Variants in SMC6 observed in about 807,000 individuals in gnomAD.
SMC6 encodes the protein structural maintenance of chromosomes 6, also known as structural maintenance of chromosomes protein 6.
A neutral mutation model predicts 142.2 loss-of-function variants in SMC6; 79 were observed. The ratio of observed to expected loss-of-function variants is 0.56; its 90% confidence interval spans 0.46 to 0.67. The LOEUF is 0.67. SMC6 is among the 30% of genes least tolerant of loss of function. The pLI is 0.00. For synonymous variants in SMC6, 411 were observed against 412.4 expected (o/e 1.00, Z 0.04); for missense variants, 1,072 against 1,284.0 (o/e 0.83, Z 2.52).
At chr2:17,703,392 A>T in intron 18 of SMC6, 100 bp from the exon 19 acceptor site, 1 of 1,077,790 alleles carries the variant, frequency 9.3e-7, no homozygotes, top group South Asian at 1.7e-5. Context: ...ATAGTAAGTT[A>T]TGTGCAAAAT....
In SMC6 at chr2:17,733,273, T is replaced by A. The variant is rs539504236; in HGVS notation, c.345-1396A>T. On this transcript the variant is annotated intron_variant, in intron 5 of 27. Coordinates refer to ENST00000448223, the MANE Select transcript of SMC6 (RefSeq NM_001142286.2). Reference sequence around the variant, plus strand: ...AAGTGTTTGCTCTGTTGCTCCACCATCCTTTTCTGTACAAGTGCCCTAGCA... The same window carrying A: ...AAGTGTTTGCTCTGTTGCTCCACCAACCTTTTCTGTACAAGTGCCCTAGCA... 5.3e-5 allele frequency among the ~76,000 whole-genome samples: 8 copies of A among 152,350 alleles called. No homozygotes were observed. The South Asian group carries it at 1.7e-3, about 32-fold the overall frequency.
intron 15 of SMC6, 84 bp downstream of exon 15, chr2:17,716,002 A>G (rs1427263563): frequency 1.7e-5 from 19 of 1,140,682 alleles, no homozygotes; most frequent in Non-Finnish European, 2.1e-5. Flanking sequence ...AAATCATTTT[A>G]TTTCGAAAAC....
At chr2:17,718,009 G>C (rs1669183686) in intron 12 of SMC6, 68 bp downstream of exon 12, 1 of 1,440,760 alleles carries the variant, frequency 6.9e-7, no homozygotes. Flanking sequence ...TAATAAAAAA[G>C]GATAGAAGAA....
In SMC6 at chr2:17,692,891, C is replaced by T. The variant is rs560966542; in HGVS notation, c.2678+2261G>A. On this transcript the variant is annotated intron_variant, in intron 23 of 27. Coordinates refer to ENST00000448223, the MANE Select transcript of SMC6 (RefSeq NM_001142286.2). ...ACAAACAACCCCATCAACAAGTGGG[C>T]GAAGGATATGAACAGACACTTCTCA... Among the ~76,000 whole-genome samples the T allele has an allele frequency of 3.4e-3, 524 of 152,198 alleles. 3 individuals are homozygous for T. The highest frequency in any genetic ancestry group is 0.012 in the African/African-American group (490 of 41,516).
intron 27 of SMC6, 96 bp downstream of exon 27, chr2:17,666,324 C>A: frequency 1.2e-6 from 1 of 853,388 alleles, no homozygotes; most frequent in Non-Finnish European, 1.8e-6. Flanking sequence ...TTTCATTGGT[C>A]TTGTATGTAT....
At chr2:17,737,871 C>A (rs1670231877) in intron 5 of SMC6, among the ~76,000 whole-genome samples, 1 of 152,178 alleles carries the variant, frequency 6.6e-6, no homozygotes, top group South Asian at 2.1e-4. Flanking sequence ...TCAATGTGGA[C>A]TCACTGATGC....
intron 24 of SMC6, chr2:17,680,808 G>T (rs1432868139): frequency 2.6e-5 from 4 of 152,166 alleles, no homozygotes; most frequent in Non-Finnish European, 2.9e-5. Flanking sequence ...ATACAAAGTA[G>T]ATTTAGCACA....
At chr2:17,686,721 G>A (rs765315237) in intron 23 of SMC6, among the ~76,000 whole-genome samples, 5 of 152,104 alleles carry the variant, frequency 3.3e-5, no homozygotes, top group Non-Finnish European at 7.4e-5. Context: ...ACATGGATAT[G>A]TATGTTACAT....
chr2:17,736,305 T>A (rs1324323398), intron 5 of SMC6, among the ~76,000 whole-genome samples: 1 of 152,176 alleles, frequency 6.6e-6, no homozygotes, highest in African/African-American at 2.4e-5. Context: ...ATATAACTAT[T>A]TCACTCTACA....
chr2:17,705,586 G>A (rs1019770936), intron 18 of SMC6, among the ~76,000 whole-genome samples: 1 of 152,064 alleles, frequency 6.6e-6, no homozygotes, highest in Non-Finnish European at 1.5e-5. Flanking sequence ...AAAAAAAATT[G>A]CCAAGTAAAC....
At position 17,665,549 on chromosome 2, in the gene SMC6, T is replaced by G; in HGVS notation, c.3226A>C (p.Thr1076Pro). ...RMSDPERGQT[T>P]LPFRPVTQEE... ...TGAGTCACAGGTCTGAAAGGCAATG[T>G]AGTTTGTCCTCTTTCAGGATCAGAC... Residue 1076 changes from threonine to proline, a missense_variant, in exon 28 of 28, where the codon ACA (threonine) becomes CCA (proline). Thr to Pro is a conservative substitution (Grantham distance 38). This residue lies in a region of SMC6 where 76 missense variants were observed against 112.3 expected (regional missense o/e 0.68). Coordinates refer to ENST00000448223, the MANE Select transcript of SMC6 (RefSeq NM_001142286.2). The G allele has an allele frequency of 6.2e-7, 1 of 1,611,844 alleles. No individual in the cohort carries two copies. Among genetic ancestry groups the G allele is most frequent in the Non-Finnish European group, 8.5e-7 (1 of 1,178,802 alleles).
intron 5 of SMC6, among the ~76,000 whole-genome samples, chr2:17,734,731 CTTTTCTTT>C (rs142618421): frequency 0.3 from 45,833 of 151,402 alleles, 7,575 homozygotes; most frequent in Non-Finnish European, 0.37. Flanking sequence ...TATAAATTTT[CTTTTCTTT>C]TTTTCTTTTT....
At chr2:17,738,993 AG>A (rs1670294866) in intron 4 of SMC6, among the ~76,000 whole-genome samples, 1 of 147,456 alleles carries the variant, frequency 6.8e-6, no homozygotes, top group African/African-American at 2.6e-5. Context: ...CCATGTGGAC[AG>A]GAATATTGTC....
At chr2:17,712,534 C>A (rs1025326031) in intron 16 of SMC6, among the ~76,000 whole-genome samples, 2 of 152,116 alleles carry the variant, frequency 1.3e-5, no homozygotes, top group Admixed American at 6.6e-5. Flanking sequence ...AGAAACAAGA[C>A]CATCTTTACA....
rs1292735526 is a variant in SMC6, at chr2:17,718,167, C to T, written c.1002G>A (p.Lys334=). Residue 334 remains lysine, a synonymous_variant, in exon 12 of 28, where the codon AAG becomes AAA. Transcript: ENST00000448223. The part of the protein sequence containing the change: ...KYKDIQDKLE[K]ISEETNARAP... ...CTCGTGCATTTGTCTCTTCACTAAT[C>T]TTTTCTAGTTTGTCTTGAATATCCT... 3.1e-6 allele frequency: 5 copies of T among 1,610,974 alleles called. No homozygotes were observed. In the Admixed American group the frequency reaches 8.3e-5, roughly 27 times the overall value.
chr2:17,741,680 A>G lies in SMC6; in HGVS notation c.170T>C (p.Met57Thr). ...AAAAGGTCCAAGCATTGAATGACACATGAAGTTTTTTAGGTGAATACTCTC... is the reference window on the plus strand; with the variant it reads ...AAAAGGTCCAAGCATTGAATGACACGTGAAGTTTTTTAGGTGAATACTCTC... ...IIESIHLKNF[M>T]CHSMLGPFKF... Residue 57 changes from methionine (M) to threonine (T), a missense_variant, in exon 4 of 28, where the codon ATG becomes ACG. Met to Thr is a moderately conservative substitution (Grantham distance 81). Around this residue, in one of 3 missense-constraint regions of SMC6, gnomAD observed 994 missense variants for 1,153.2 expected, o/e 0.86. Transcript: ENST00000448223. 6.2e-7 allele frequency: 1 copy of G among 1,612,116 alleles called. No homozygotes were observed. Among genetic ancestry groups the G allele is most frequent in the Non-Finnish European group, 8.5e-7 (1 of 1,179,324 alleles).
rs13383983 is a variant in SMC6 at position 17,728,518 on chromosome 2, A to C, written c.544-2049T>G. On this transcript the variant is annotated intron_variant, in intron 7 of 27. Transcript: ENST00000448223. ...GGAGTTCAAGACTAGCCTGGGCAAC[A>C]TGGCAAAACCCAGTCTCTAAAATCA... Among the ~76,000 whole-genome samples the C allele has an allele frequency of 7.7e-3, 1,167 of 152,272 alleles. 9 individuals carry two copies. The highest frequency in any genetic ancestry group is 0.024 in the Middle Eastern group (7 of 294).
chr2:17,708,009 C>T lies in SMC6; in HGVS notation c.1845+630G>A, dbSNP rs978705763. Among the ~76,000 whole-genome samples the T allele has an allele frequency of 2.0e-4, 31 of 151,524 alleles. 1 individual carries two copies. The highest frequency in any genetic ancestry group is 4.6e-4 in the African/African-American group (19 of 41,306). ...ATATGTATATATATACACACACACA[C>T]ACACACACACACACACATTTGAGTT... On this transcript the variant is annotated intron_variant, in intron 17 of 27. Transcript: ENST00000448223.
intron 4 of SMC6, among the ~76,000 whole-genome samples, chr2:17,740,515 T>C (rs1001677926): frequency 6.6e-6 from 1 of 152,194 alleles, no homozygotes; most frequent in East Asian, 1.9e-4. Context: ...CACAATGTGG[T>C]CAGTTTGTTT....
Sources: allele counts gnomAD v4.1 joint callset (sites outside exome capture counted in the v4.1 genomes callset), GRCh38; gene constraint gnomAD v4.1.1; regional missense constraint gnomAD v4.1.1; transcripts MANE v1.5; gene names NCBI Gene and HGNC (gene_info 2026-07-23, HGNC 2026-07-21).